Variants in CNBD1 observed in about 807,000 individuals in gnomAD.
The protein encoded by CNBD1 is cyclic nucleotide binding domain containing 1.
CNBD1 carries 71 observed loss-of-function variants against 54.4 expected under a neutral mutation model. The observed-to-expected ratio is 1.30, with a 90% confidence interval of 1.08 to 1.59. The LOEUF is 1.59. CNBD1 is among the 40% of genes most tolerant of loss of function. CNBD1 has a pLI of 0.00. For missense variants in CNBD1, 659 were observed against 518.0 expected (o/e 1.27, Z -2.64); for synonymous variants, 182 against 170.7 (o/e 1.07, Z -0.51).
intron 5 of CNBD1, among the ~76,000 whole-genome samples, chr8:87,218,673 G>T (rs940859244): frequency 2.6e-5 from 4 of 151,832 alleles, no homozygotes; most frequent in Non-Finnish European, 4.4e-5. Flanking sequence ...TTGGCTATTA[G>T]AAAGCCTTTA....
intron 4 of CNBD1, among the ~76,000 whole-genome samples, chr8:87,036,412 G>A (rs1301522858): frequency 6.6e-6 from 1 of 151,892 alleles, no homozygotes; most frequent in Non-Finnish European, 1.5e-5. Flanking sequence ...GGCTGACATG[G>A]TGAAACCCCA....
At chr8:87,042,676 T>C (rs1326921079) in intron 4 of CNBD1, among the ~76,000 whole-genome samples, 1 of 152,144 alleles carries the variant, frequency 6.6e-6, no homozygotes, top group African/African-American at 2.4e-5. Context: ...TGTGTTATAT[T>C]CATCTGTTTT....
chr8:87,042,929 T>C (rs1563446983), intron 4 of CNBD1, among the ~76,000 whole-genome samples: 1 of 152,180 alleles, frequency 6.6e-6, no homozygotes, highest in East Asian at 1.9e-4. Flanking sequence ...TATGTACATA[T>C]GTGCATATGT....
intron 6 of CNBD1, among the ~76,000 whole-genome samples, chr8:87,276,569 T>G (rs1294774503): frequency 6.6e-6 from 1 of 151,858 alleles, no homozygotes; most frequent in Non-Finnish European, 1.5e-5. Context: ...GAAGCTCAGT[T>G]GCTTCAATCT....
At position 87,278,491 on chromosome 8, in the gene CNBD1, G is replaced by C. The variant is rs149760586; in HGVS notation, c.772-6187G>C. On this transcript the variant is annotated intron_variant, in intron 6 of 10. Transcript: ENST00000518476. ...CTCGTAACAAATAATGAATGCCAGAGAACAATAACATATATTTTTAAAGCA... is the reference window on the plus strand; with the variant it reads ...CTCGTAACAAATAATGAATGCCAGACAACAATAACATATATTTTTAAAGCA... Among the ~76,000 whole-genome samples, 558 of 151,568 alleles carry C rather than the reference G, an allele frequency of 3.7e-3. 10 individuals are homozygous for C. The highest frequency in any genetic ancestry group is 0.016 in the East Asian group (81 of 5,162).
chr8:87,175,860 A>G (rs1260269278), intron 4 of CNBD1, among the ~76,000 whole-genome samples: 1 of 152,122 alleles, frequency 6.6e-6, no homozygotes, highest in African/African-American at 2.4e-5. Context: ...ATTTCAGTCT[A>G]TGGTGGCCAG....
chr8:87,275,523 C>T (rs890820200), intron 6 of CNBD1, among the ~76,000 whole-genome samples: 1 of 132,684 alleles, frequency 7.5e-6, no homozygotes, highest in African/African-American at 2.5e-5. Context: ...AATTCAACAA[C>T]ACTTCATGCT....
At chr8:87,330,828 G>C (rs927226481) in intron 8 of CNBD1, among the ~76,000 whole-genome samples, 12 of 152,058 alleles carry the variant, frequency 7.9e-5, no homozygotes, top group Admixed American at 7.2e-4. Flanking sequence ...GTTAAAATAT[G>C]AATTAGAATT....
intron 4 of CNBD1, among the ~76,000 whole-genome samples, chr8:87,055,880 A>AC (rs1810404870): frequency 1.4e-5 from 1 of 69,844 alleles, no homozygotes; most frequent in African/African-American, 6.0e-5. Flanking sequence ...TCCCTGCTTG[A>AC]CCTTTCCTTC....
chr8:87,226,764 T>G (rs1476698921), intron 5 of CNBD1, among the ~76,000 whole-genome samples: 1 of 151,798 alleles, frequency 6.6e-6, no homozygotes, highest in Non-Finnish European at 1.5e-5. Flanking sequence ...GTCCGCTTGG[T>G]GCAGAGCTGA....
chr8:87,238,252 C>T (rs1165961547), intron 6 of CNBD1, among the ~76,000 whole-genome samples: 1 of 152,100 alleles, frequency 6.6e-6, no homozygotes, highest in Non-Finnish European at 1.5e-5. Flanking sequence ...GTTTCAGAGG[C>T]TTCCACTTAA....
At chr8:87,206,844 C>A (rs1586329326) in intron 5 of CNBD1, among the ~76,000 whole-genome samples, 1 of 152,086 alleles carries the variant, frequency 6.6e-6, no homozygotes, top group Non-Finnish European at 1.5e-5. Context: ...CAGATGAGGA[C>A]CCCGAGGCAC....
At chr8:87,016,395 G>A (rs1809356574) in intron 4 of CNBD1, among the ~76,000 whole-genome samples, 1 of 149,840 alleles carries the variant, frequency 6.7e-6, no homozygotes. Flanking sequence ...AAGGTTTTTG[G>A]TTAAGAAACT....
intron 4 of CNBD1, among the ~76,000 whole-genome samples, chr8:86,991,711 G>T (rs905188044): frequency 6.3e-5 from 1 of 15,806 alleles, no homozygotes; most frequent in African/African-American, 8.7e-4. Context: ...TTGGTAAGTT[G>T]TGCCCTACTT....
intron 4 of CNBD1, among the ~76,000 whole-genome samples, chr8:86,965,457 G>T (rs1808047368): frequency 6.6e-6 from 1 of 152,118 alleles, no homozygotes; most frequent in African/African-American, 2.4e-5. Flanking sequence ...AGTGATGGGG[G>T]ATTAACAGTG....
At chr8:86,992,235 T>C (rs1808769404) in intron 4 of CNBD1, among the ~76,000 whole-genome samples, 1 of 152,132 alleles carries the variant, frequency 6.6e-6, no homozygotes, top group Non-Finnish European at 1.5e-5. Context: ...GTCTTTTTTT[T>C]TAAAATTATA....
chr8:86,992,808 G>T (rs1248489685), intron 4 of CNBD1, among the ~76,000 whole-genome samples: 1 of 152,124 alleles, frequency 6.6e-6, no homozygotes, highest in African/African-American at 2.4e-5. Flanking sequence ...TTTCTGGCTT[G>T]TAAGGTCTGC....
chr8:87,185,512 G>A (rs1813454974), intron 4 of CNBD1, among the ~76,000 whole-genome samples: 1 of 152,160 alleles, frequency 6.6e-6, no homozygotes, highest in Non-Finnish European at 1.5e-5. Flanking sequence ...TTTAGATATT[G>A]TTAGGCAGGA....
intron 4 of CNBD1, among the ~76,000 whole-genome samples, chr8:87,095,026 C>T (rs532972101): frequency 5.9e-5 from 9 of 152,240 alleles, no homozygotes; most frequent in East Asian, 5.8e-4. Flanking sequence ...GCAACAAGAG[C>T]GAAGCTCCTT....
Sources: gnomAD v4.1 joint callset for allele counts (sites outside exome capture counted in the v4.1 genomes callset) on GRCh38, gnomAD v4.1.1 for gene constraint, MANE v1.5 for transcripts, NCBI Gene and HGNC (gene_info 2026-07-23, HGNC 2026-07-21) for gene names.